The following ROS1 variants were observed in gnomAD, a reference collection of about 807,000 sequenced individuals.
ROS1 encodes the protein ROS proto-oncogene 1, receptor tyrosine kinase, also known as proto-oncogene tyrosine-protein kinase ROS.
A neutral mutation model predicts 273.5 loss-of-function variants in ROS1; 263 were observed. That is an observed-to-expected ratio of 0.96 (90% CI 0.87 to 1.06). The LOEUF is 1.06. Among genes scored for constraint, ROS1 ranks in the 50% least tolerant of loss-of-function variants. The probability of loss-of-function intolerance (pLI) is 0.00; values close to 1 mark genes in which losing one functional copy is unlikely to be tolerated. For missense variants in ROS1, 2,833 were observed against 2,751.1 expected, an observed-to-expected ratio of 1.03 and a Z score of -0.67; for synonymous variants, 1,008 against 954.1, an observed-to-expected ratio of 1.06 and a Z score of -1.04.
chr6:117,424,388 G>GT (rs1240528804), intron 1 of ROS1, among the ~76,000 whole-genome samples: 1 of 151,472 alleles, frequency 6.6e-6, no homozygotes, highest in African/African-American at 2.4e-5. Context: ...AGAATTAGAA[G>GT]TTTTTTATTC....
intron 6 of ROS1, among the ~76,000 whole-genome samples, chr6:117,403,773 T>A (rs908273945): frequency 6.6e-6 from 1 of 152,202 alleles, no homozygotes; most frequent in Admixed American, 6.5e-5. Context: ...AACATTATAT[T>A]TTCCTTATAA....
In ROS1 at chr6:117,365,688, A is replaced by G; in HGVS notation, c.2851T>C (p.Phe951Leu). 6.2e-7 allele frequency: 1 copy of G among 1,611,822 alleles called. No homozygotes were observed. Among genetic ancestry groups the G allele is most frequent in the Non-Finnish European group, 8.5e-7 (1 of 1,178,670 alleles). The change falls in exon 20 of 44, where the codon TTT becomes CTT. Residue 951 changes from phenylalanine (F) to leucine (L), a missense_variant. Phe to Leu is a conservative substitution (Grantham distance 22). Transcript: ENST00000368507. ...VIPDSVQESSFRIEGNASSFQ... is the reference protein window; with the variant it reads ...VIPDSVQESSLRIEGNASSFQ... ...CTTGAAGCATTTCCTTCAATCCTAA[A>G]TGAAGACTCTTGAACAGAATCTGGA...
intron 1 of ROS1, among the ~76,000 whole-genome samples, chr6:117,424,280 G>A (rs1310163591): frequency 3.3e-5 from 5 of 151,662 alleles, no homozygotes; most frequent in Middle Eastern, 3.2e-3. Context: ...GAAAAAGCTG[G>A]TTGCATAGCT....
In ROS1 at chr6:117,393,329, A is replaced by C; in HGVS notation, c.1192-8T>G. The C allele has an allele frequency of 6.5e-7, 1 of 1,528,834 alleles. No individual in the cohort carries two copies. The highest frequency in any genetic ancestry group is 9.1e-7 in the Non-Finnish European group (1 of 1,104,004). The allele number at this position is 1,528,834 out of a possible 1,614,324, so 94.7% of individuals were successfully genotyped here. On this transcript the variant is annotated splice_polypyrimidine_tract_variant and splice_region_variant and intron_variant, in intron 11 of 43. Coordinates refer to ENST00000368507, the MANE Select transcript of ROS1 (RefSeq NM_001378902.1). The stretch of plus-strand genomic sequence containing the variant: ...TAAATCACAGACACATACCTAAAAA[A>C]ATAAAAAATATACCGGTAGGATTAG...
At chr6:117,368,290 T>A (rs1159874612) in intron 18 of ROS1, among the ~76,000 whole-genome samples, 4 of 152,220 alleles carry the variant, frequency 2.6e-5, no homozygotes, top group African/African-American at 9.6e-5. Flanking sequence ...ATTTTTTTTT[T>A]AGTGATTTCT....
intron 1 of ROS1, among the ~76,000 whole-genome samples, chr6:117,424,953 G>A (rs958288584): frequency 6.6e-6 from 1 of 152,158 alleles, no homozygotes; most frequent in African/African-American, 2.4e-5. Context: ...ACTGAAAAGA[G>A]ATGGTACAAT....
intron 18 of ROS1, among the ~76,000 whole-genome samples, chr6:117,371,760 G>C (rs1780797959): frequency 6.6e-6 from 1 of 152,178 alleles, no homozygotes; most frequent in South Asian, 2.1e-4. Context: ...CTTTCAGGCT[G>C]TGTGGGAGTT....
intron 16 of ROS1, 49 bp downstream of exon 16, chr6:117,385,634 G>A: frequency 1.3e-5 from 19 of 1,515,258 alleles, no homozygotes; most frequent in Non-Finnish European, 1.7e-5. Context: ...AGTCACTGAA[G>A]TGGATAAGTA....
intron 27 of ROS1, among the ~76,000 whole-genome samples, chr6:117,348,188 A>C (rs151198813): frequency 3.5e-4 from 54 of 152,144 alleles, no homozygotes; most frequent in African/African-American, 1.3e-3. Context: ...GTTTGATAGA[A>C]TGCATCATTG....
At chr6:117,417,829 T>G (rs991903607) in intron 2 of ROS1, among the ~76,000 whole-genome samples, 1 of 152,258 alleles carries the variant, frequency 6.6e-6, no homozygotes, top group Non-Finnish European at 1.5e-5. Context: ...TCTTTCTAGT[T>G]TTAGTTTGAA....
intron 27 of ROS1, among the ~76,000 whole-genome samples, chr6:117,352,237 C>T (rs533605558): frequency 3.3e-5 from 5 of 152,268 alleles, no homozygotes; most frequent in Admixed American, 6.5e-5. Context: ...CCTGCCACTA[C>T]GCTGGGCTAA....
intron 25 of ROS1, 98 bp from the exon 26 acceptor site, chr6:117,357,013 G>A (rs528310392): frequency 4.9e-6 from 5 of 1,015,370 alleles, no homozygotes; most frequent in East Asian, 2.5e-5. Context: ...ATGACTGTGA[G>A]GGACAAATGG....
intron 21 of ROS1, 34 bp downstream of exon 21, chr6:117,365,026 T>C: frequency 6.2e-7 from 1 of 1,600,302 alleles, no homozygotes; most frequent in Non-Finnish European, 8.5e-7. Flanking sequence ...GATTCTGCTT[T>C]TTTAAGAAAA....
chr6:117,414,449 A>G (rs1175754502), intron 4 of ROS1, 70 bp downstream of exon 4: 15 of 717,370 alleles, frequency 2.1e-5, no homozygotes, highest in East Asian at 7.8e-5. Flanking sequence ...CCCCTATTTT[A>G]AAAGCTTTTT....
At chr6:117,324,633 A>C (rs1776512267) in intron 34 of ROS1, among the ~76,000 whole-genome samples, 2 of 152,124 alleles carry the variant, frequency 1.3e-5, no homozygotes. Flanking sequence ...TGCAGAGAGC[A>C]ACAAACCACT....
At chr6:117,365,317 A>C in intron 20 of ROS1, 113 bp from the exon 21 acceptor site, 1 of 1,169,412 alleles carries the variant, frequency 8.6e-7, no homozygotes. Context: ...AAAATTTGCA[A>C]TTTTGGAAGT....
At chr6:117,326,118 TATATA>T (rs1776626569) in intron 34 of ROS1, 101 bp downstream of exon 34, 2 of 244,670 alleles carry the variant, frequency 8.2e-6, no homozygotes, top group Non-Finnish European at 1.5e-5. Context: ...TATATATATA[TATATA>T]TATAGTCACC....
At chr6:117,389,985 G>C (rs1772928370) in intron 12 of ROS1, 139 bp from the exon 13 acceptor site, 5 of 738,970 alleles carry the variant, frequency 6.8e-6, no homozygotes. Context: ...TTCCAAGGTA[G>C]AAAAAGGTAA....
intron 3 of ROS1, 71 bp from the exon 4 acceptor site, chr6:117,414,616 A>G: frequency 1.5e-6 from 1 of 661,966 alleles, no homozygotes; most frequent in Non-Finnish European, 2.7e-6. Flanking sequence ...ACTGAGCTGT[A>G]CAATCATTTC....
Sources: gnomAD v4.1 joint callset for allele counts (sites outside exome capture counted in the v4.1 genomes callset) on GRCh38, gnomAD v4.1.1 for gene constraint, MANE v1.5 for transcripts, NCBI Gene and HGNC (gene_info 2026-07-23, HGNC 2026-07-21) for gene names.